The following ARL15 variants were observed in gnomAD, a reference collection of about 807,000 sequenced individuals.
ARL15 encodes ADP-ribosylation factor-like protein 15.
A neutral mutation model predicts 25.2 loss-of-function variants in ARL15; 19 were observed. The ratio of observed to expected loss-of-function variants is 0.75; its 90% CI spans 0.53 to 1.10. The LOEUF is 1.10. ARL15 is among the 50% of genes least tolerant of loss of function. The pLI is 0.00. For missense variants in ARL15, 220 were observed against 246.0 expected, an observed-to-expected ratio of 0.89 and a Z score of 0.71; for synonymous variants, 94 against 86.8, an observed-to-expected ratio of 1.08 and a Z score of -0.46.
At chr5:54,004,251 T>C (rs1300568294) in intron 4 of ARL15, among the ~76,000 whole-genome samples, 1 of 152,098 alleles carries the variant, frequency 6.6e-6, no homozygotes, top group Non-Finnish European at 1.5e-5. Context: ...TCTCAGCACT[T>C]TGGGAGGCTG....
intron 4 of ARL15, among the ~76,000 whole-genome samples, chr5:54,010,850 T>C (rs1050654369): frequency 6.6e-5 from 10 of 151,858 alleles, no homozygotes; most frequent in Admixed American, 1.3e-4. Flanking sequence ...ATACAAAAAA[T>C]TAGCGGGGCT....
intron 4 of ARL15, among the ~76,000 whole-genome samples, chr5:54,006,882 G>C (rs1014207523): frequency 6.6e-5 from 10 of 152,046 alleles, no homozygotes; most frequent in Admixed American, 1.3e-4. Flanking sequence ...CCTGAGGTCG[G>C]GAGTTCGAGA....
chr5:54,261,947 T>C (rs530441794), intron 1 of ARL15, among the ~76,000 whole-genome samples: 32 of 152,348 alleles, frequency 2.1e-4, no homozygotes, highest in Middle Eastern at 3.4e-3. Flanking sequence ...ATTATTTAGT[T>C]AATAGACTAA....
intron 1 of ARL15, among the ~76,000 whole-genome samples, chr5:54,194,321 T>C (rs191975722): frequency 1.3e-5 from 2 of 152,200 alleles, no homozygotes; most frequent in South Asian, 2.1e-4. Flanking sequence ...TAGGCAAGGA[T>C]AAAAGATGAT....
At chr5:54,178,384 A>C (rs963396060) in intron 1 of ARL15, among the ~76,000 whole-genome samples, 1 of 152,168 alleles carries the variant, frequency 6.6e-6, no homozygotes, top group Non-Finnish European at 1.5e-5. Flanking sequence ...AGACTACCCA[A>C]GCCCCACACT....
At chr5:53,909,516 G>A (rs1745384035) in intron 4 of ARL15, among the ~76,000 whole-genome samples, 1 of 152,184 alleles carries the variant, frequency 6.6e-6, no homozygotes, top group Admixed American at 6.5e-5. Flanking sequence ...AGACCAGCCT[G>A]ACCAACATGG....
At position 54,091,090 on chromosome 5, in the gene ARL15, TA is replaced by T. The variant is rs572224452; in HGVS notation, c.462+22111del. Reference sequence around the variant, plus strand: ...TTCACTTTTCTTCAATTATTTGCAATAAAACAAGAATATATATCAGACCATG... The same window carrying T: ...TTCACTTTTCTTCAATTATTTGCAATAAACAAGAATATATATCAGACCATG... On this transcript the variant is annotated intron_variant, in intron 4 of 4. Transcript: ENST00000504924. 1.8e-3 allele frequency among the ~76,000 whole-genome samples: 268 copies of T among 152,290 alleles called. 2 individuals are homozygous for T. In the Middle Eastern group the frequency reaches 0.02, roughly 12 times the overall value.
intron 4 of ARL15, among the ~76,000 whole-genome samples, chr5:54,089,632 T>G (rs1417820909): frequency 6.6e-6 from 1 of 152,190 alleles, no homozygotes; most frequent in Non-Finnish European, 1.5e-5. Flanking sequence ...GCACTCCTTT[T>G]GTAAGCCAGA....
intron 1 of ARL15, among the ~76,000 whole-genome samples, chr5:54,201,147 C>A (rs761487271): frequency 1.3e-5 from 2 of 152,032 alleles, no homozygotes; most frequent in African/African-American, 4.8e-5. Context: ...AAGACCAGAG[C>A]GCAATATCTC....
chr5:54,259,636 A>G (rs1170830390), intron 1 of ARL15, among the ~76,000 whole-genome samples: 1 of 152,186 alleles, frequency 6.6e-6, no homozygotes, highest in Non-Finnish European at 1.5e-5. Context: ...AACAATATCT[A>G]TAGACCCCTA....
At chr5:54,284,352 C>T (rs1758136317) in intron 1 of ARL15, among the ~76,000 whole-genome samples, 1 of 152,156 alleles carries the variant, frequency 6.6e-6, no homozygotes, top group Admixed American at 6.5e-5. Context: ...TAATCCACCT[C>T]CCTCGGCCTC....
intron 1 of ARL15, among the ~76,000 whole-genome samples, chr5:54,178,322 G>A (rs1045035711): frequency 1.3e-5 from 2 of 152,182 alleles, no homozygotes; most frequent in Admixed American, 1.3e-4. Flanking sequence ...TTGAAGCTCT[G>A]TATAGTTGCT....
chr5:54,181,469 G>A (rs1755054744), intron 1 of ARL15, among the ~76,000 whole-genome samples: 1 of 152,172 alleles, frequency 6.6e-6, no homozygotes, highest in African/African-American at 2.4e-5. Context: ...GAAAGTGAAT[G>A]AGAAACTAAT....
At chr5:53,937,727 G>C (rs1374861307) in intron 4 of ARL15, among the ~76,000 whole-genome samples, 4 of 151,972 alleles carry the variant, frequency 2.6e-5, no homozygotes, top group Non-Finnish European at 4.4e-5. Context: ...ACTCTGTGAT[G>C]GTCACACAAT....
chr5:54,171,737 C>A (rs1330157054), intron 2 of ARL15, 47 bp downstream of exon 2: 28 of 1,565,824 alleles, frequency 1.8e-5, no homozygotes, highest in Non-Finnish European at 2.4e-5. Flanking sequence ...ACTAGGACAT[C>A]TTGGGATGAG....
chr5:54,114,406 G>GAAAATAAAAAAAA (rs1554041179), intron 3 of ARL15, among the ~76,000 whole-genome samples: 1 of 74,474 alleles, frequency 1.3e-5, no homozygotes, highest in Admixed American at 2.2e-4. Flanking sequence ...TCCATCTCAA[G>GAAAATAAAAAAAA]AAAAAAAAAA....
chr5:54,223,197 C>A (rs1209791936), intron 1 of ARL15, among the ~76,000 whole-genome samples: 1 of 151,730 alleles, frequency 6.6e-6, no homozygotes, highest in Non-Finnish European at 1.5e-5. Context: ...GAACACTAAA[C>A]CATCCTCCCA....
At chr5:54,043,360 G>A (rs943881952) in intron 4 of ARL15, among the ~76,000 whole-genome samples, 2 of 152,020 alleles carry the variant, frequency 1.3e-5, no homozygotes, top group African/African-American at 2.4e-5. Context: ...TCTCAATAAG[G>A]CTCTGAGTGA....
At chr5:54,210,068 C>G (rs1755994183) in intron 1 of ARL15, among the ~76,000 whole-genome samples, 2 of 152,136 alleles carry the variant, frequency 1.3e-5, no homozygotes, top group African/African-American at 4.8e-5. Flanking sequence ...GGCTTGAATA[C>G]AATGCCAACT....
Sources: gnomAD v4.1 joint callset for allele counts (sites outside exome capture counted in the v4.1 genomes callset) on GRCh38, gnomAD v4.1.1 for gene constraint, MANE v1.5 for transcripts, NCBI Gene and HGNC (gene_info 2026-07-23, HGNC 2026-07-21) for gene names.